Variants in NRXN3 observed in about 807,000 individuals in gnomAD.
The protein encoded by NRXN3 is neurexin 3, also known as neurexin III.
NRXN3 carries 32 observed loss-of-function variants against 137.6 expected under a neutral mutation model. The ratio of observed to expected loss-of-function variants is 0.23; its 90% CI spans 0.18 to 0.31. The LOEUF (loss-of-function observed/expected upper bound fraction) is 0.31, where lower values mean the gene tolerates loss of function less well. Ranked by LOEUF, NRXN3 falls within the 10% of genes least tolerant of loss-of-function variation. The probability of loss-of-function intolerance (pLI) is 1.00; values close to 1 mark genes in which losing one functional copy is unlikely to be tolerated. For missense variants in NRXN3, 1,574 were observed against 2,062.5 expected (o/e 0.76, Z 4.59); for synonymous variants, 798 against 784.5 (o/e 1.02, Z -0.29).
intron 4 of NRXN3, among the ~76,000 whole-genome samples, chr14:78,601,242 C>G (rs560425127): frequency 2.0e-5 from 3 of 152,196 alleles, no homozygotes; most frequent in African/African-American, 7.2e-5. Flanking sequence ...GTGACTATAA[C>G]AAAAACTTTT....
At chr14:79,405,233 C>T (rs72478816) in intron 15 of NRXN3, among the ~76,000 whole-genome samples, 2,937 of 152,184 alleles carry the variant, frequency 0.019, 58 homozygotes, top group East Asian at 0.1. Flanking sequence ...CTCCCAAATC[C>T]GTCTTCCTAA....
rs116667209 is a variant in NRXN3 at position 79,151,377 on chromosome 14, T to A, written c.3262+163236T>A. ...TTGGGGGTGAGTCCCAGAACAGAGG[T>A]GAGCCTCCAGCTGCAAAAACCATAG... On this transcript the variant is annotated intron_variant, in intron 15 of 20. Coordinates refer to ENST00000335750, the MANE Select transcript of NRXN3 (RefSeq NM_001330195.2). Among the ~76,000 whole-genome samples the A allele has an allele frequency of 4.4e-3, 668 of 152,106 alleles. 4 individuals are homozygous for A. The highest frequency in any genetic ancestry group is 0.015 in the African/African-American group (626 of 41,526).
chr14:79,426,618 G>A (rs961640025), intron 15 of NRXN3, among the ~76,000 whole-genome samples: 5 of 152,144 alleles, frequency 3.3e-5, no homozygotes, highest in Non-Finnish European at 1.5e-5. Flanking sequence ...GAAGGTTAAC[G>A]TGCTGTGTTT....
intron 15 of NRXN3, among the ~76,000 whole-genome samples, chr14:79,059,186 C>T (rs932762116): frequency 6.6e-6 from 1 of 151,470 alleles, no homozygotes; most frequent in Non-Finnish European, 1.5e-5. Context: ...TTCTCCTTAT[C>T]ACCAGCAGAT....
At chr14:79,754,417 A>G (rs2099010333) in intron 19 of NRXN3, among the ~76,000 whole-genome samples, 1 of 148,998 alleles carries the variant, frequency 6.7e-6, no homozygotes, top group Non-Finnish European at 1.5e-5. Flanking sequence ...TAGGGACTTG[A>G]ACATCTCCAG....
intron 16 of NRXN3, among the ~76,000 whole-genome samples, chr14:79,498,608 G>A (rs976111482): frequency 2.6e-5 from 4 of 152,144 alleles, no homozygotes; most frequent in Non-Finnish European, 4.4e-5. Flanking sequence ...CCCACAGTTT[G>A]TTCATACAAA....
chr14:78,911,535 C>G (rs1036359473), intron 10 of NRXN3, among the ~76,000 whole-genome samples: 13 of 152,276 alleles, frequency 8.5e-5, no homozygotes, highest in African/African-American at 2.4e-4. Context: ...GGACATAAGG[C>G]TGCTGTGGAA....
rs1248117188 is a variant in NRXN3 at position 78,967,214 on chromosome 14, A to G, written c.2784A>G (p.Ile928Met). 1.9e-6 allele frequency: 3 copies of G among 1,609,104 alleles called. No individual in the cohort carries two copies. Among genetic ancestry groups the G allele is most frequent in the Non-Finnish European group, 8.5e-7 (1 of 1,178,256 alleles). ...FIAVELVKGY[I>M]HYVFDLGNGP... ...TTTTTTTTTTTCTTCCTAGGTATATACACTACGTTTTTGACCTCGGAAACG... is the reference window on the plus strand; with the variant it reads ...TTTTTTTTTTTCTTCCTAGGTATATGCACTACGTTTTTGACCTCGGAAACG... Residue 928 changes from isoleucine (I) to methionine (M), a missense_variant, in exon 13 of 21, where the codon ATA (isoleucine) becomes ATG (methionine). Ile to Met is a conservative substitution (Grantham distance 10). This residue lies in a region of NRXN3 where 718 missense variants were observed against 887.6 expected (regional missense o/e 0.81). Transcript: ENST00000335750.
In NRXN3 at chr14:78,570,259, T is replaced by C. The variant is rs193238996; in HGVS notation, c.758-74861T>C. Reference sequence around the variant, plus strand: ...GAGTTCCCTCACCCTCTTTCTGCCATGTCAGGATACAATGAGAAGTAAGAA... The same window carrying C: ...GAGTTCCCTCACCCTCTTTCTGCCACGTCAGGATACAATGAGAAGTAAGAA... On this transcript the variant is annotated intron_variant, in intron 4 of 20. Coordinates refer to ENST00000335750, the MANE Select transcript of NRXN3 (RefSeq NM_001330195.2). 8.8e-4 allele frequency among the ~76,000 whole-genome samples: 134 copies of C among 152,212 alleles called. 1 individual carries two copies. The highest frequency in any genetic ancestry group is 3.0e-3 in the African/African-American group (123 of 41,522).
At chr14:79,362,075 T>G (rs1295964726) in intron 15 of NRXN3, among the ~76,000 whole-genome samples, 1 of 149,298 alleles carries the variant, frequency 6.7e-6, no homozygotes, top group African/African-American at 2.4e-5. Flanking sequence ...TTCTTCTGCC[T>G]CAGCCTCCCG....
intron 1 of NRXN3, among the ~76,000 whole-genome samples, chr14:78,219,724 A>C (rs569789052): frequency 6.6e-6 from 1 of 152,184 alleles, no homozygotes; most frequent in African/African-American, 2.4e-5. Flanking sequence ...ACTCTTTCCT[A>C]TTGGCAGAAA....
intron 15 of NRXN3, among the ~76,000 whole-genome samples, chr14:79,154,075 C>G (rs929667232): frequency 6.6e-6 from 1 of 151,986 alleles, no homozygotes; most frequent in Non-Finnish European, 1.5e-5. Context: ...ACTTACTACT[C>G]TTTTATGACT....
chr14:78,543,332 G>A (rs1266481790), intron 4 of NRXN3, among the ~76,000 whole-genome samples: 2 of 152,168 alleles, frequency 1.3e-5, no homozygotes, highest in Non-Finnish European at 2.9e-5. Context: ...CACTTTTCTA[G>A]AGAGGAAGTC....
chr14:79,143,337 C>G (rs2058992465), intron 15 of NRXN3, among the ~76,000 whole-genome samples: 1 of 152,186 alleles, frequency 6.6e-6, no homozygotes. Context: ...CTCCTGTAAG[C>G]TTTTTGCAGT....
At chr14:78,211,367 C>G (rs2062723402) in intron 1 of NRXN3, among the ~76,000 whole-genome samples, 1 of 152,188 alleles carries the variant, frequency 6.6e-6, no homozygotes, top group East Asian at 1.9e-4. Context: ...TGAATCCTAC[C>G]TCAGTGTTCA....
At chr14:78,319,487 G>T (rs566860005) in intron 4 of NRXN3, among the ~76,000 whole-genome samples, 56 of 152,274 alleles carry the variant, frequency 3.7e-4, no homozygotes, top group Non-Finnish European at 6.2e-4. Context: ...ATTTCTGGGG[G>T]CCTACATGAT....
intron 19 of NRXN3, among the ~76,000 whole-genome samples, chr14:79,734,838 G>T (rs185486957): frequency 2.6e-5 from 4 of 152,032 alleles, no homozygotes; most frequent in Non-Finnish European, 5.9e-5. Flanking sequence ...TAAGTACAAG[G>T]CATCCCACTC....
chr14:79,461,216 G>A (rs1368771289), intron 15 of NRXN3, among the ~76,000 whole-genome samples: 2 of 152,106 alleles, frequency 1.3e-5, no homozygotes, highest in Admixed American at 6.5e-5. Flanking sequence ...TTGGAGAAGA[G>A]GGCATAGTTA....
chr14:79,199,383 A>G (rs79996879), intron 15 of NRXN3, among the ~76,000 whole-genome samples: 2,679 of 152,282 alleles, frequency 0.018, 73 homozygotes, highest in African/African-American at 0.061. Context: ...GACAAAATTA[A>G]ATGTGTTGGG....
Sources: allele counts gnomAD v4.1 joint callset (sites outside exome capture counted in the v4.1 genomes callset), GRCh38; gene constraint gnomAD v4.1.1; regional missense constraint gnomAD v4.1.1; transcripts MANE v1.5; gene names NCBI Gene and HGNC (gene_info 2026-07-23, HGNC 2026-07-21).